BORCS5: variants seen among roughly 807,000 people sequenced by gnomAD.
BORCS5 encodes the protein BLOC-1-related complex subunit 5.
Under a neutral mutation model 22.1 loss-of-function variants are expected in BORCS5, and 17 were observed. The observed-to-expected ratio is 0.77, with a 90% CI of 0.53 to 1.15. The LOEUF is 1.15. Among genes scored for constraint, BORCS5 ranks in the 50% most tolerant of loss-of-function variants. The pLI, the probability that BORCS5 is intolerant of heterozygous loss-of-function variation, is 0.00. For synonymous variants in BORCS5, 117 were observed against 99.8 expected (o/e 1.17, Z -1.03); for missense variants, 247 against 253.2 (o/e 0.98, Z 0.17).
chr12:12,403,577 T>C lies in BORCS5; in HGVS notation c.203-32051T>C, dbSNP rs557117004. ...TTTTCCCGAGTATTATCAACTAACA[T>C]GTTCCATAAAGGAGCATGTTTTCAC... On this transcript the variant is annotated intron_variant, in intron 2 of 3. Coordinates refer to ENST00000314565, the MANE Select transcript of BORCS5 (RefSeq NM_058169.6). Among the ~76,000 whole-genome samples the C allele has an allele frequency of 2.0e-5, 3 of 152,272 alleles. No individual in the cohort carries two copies. In the East Asian group the frequency reaches 5.8e-4, roughly 29 times the overall value.
At position 12,375,887 on chromosome 12, in the gene BORCS5, C is replaced by G. The variant is rs56752618; in HGVS notation, c.202+14538C>G. Among the ~76,000 whole-genome samples, 1,381 of 152,180 alleles carry G rather than the reference C, an allele frequency of 9.1e-3. 25 individuals carry two copies. Among genetic ancestry groups the G allele is most frequent in the African/African-American group, 0.032 (1,323 of 41,504 alleles). ...TGGTGCAATCTCAGCTCGCTGCAAC[C>G]TCTGCCTCCTGGGTTCAAGTGATTC... On this transcript the variant is annotated intron_variant, in intron 2 of 3. Coordinates refer to ENST00000314565, the MANE Select transcript of BORCS5 (RefSeq NM_058169.6).
intron 2 of BORCS5, among the ~76,000 whole-genome samples, chr12:12,434,432 C>G (rs952616254): frequency 2.0e-5 from 3 of 152,148 alleles, no homozygotes; most frequent in African/African-American, 7.2e-5. Context: ...TCCCCAAGAC[C>G]CTGCTAGGGA....
Position 12,469,384 on chromosome 12 carries a change from C to T in BORCS5, c.*3608C>T, listed in dbSNP as rs1403178572. 6.6e-6 allele frequency: 1 copy of T among 152,206 alleles called. No individual in the cohort carries two copies. The highest frequency in any genetic ancestry group is 1.5e-5 in the Non-Finnish European group (1 of 68,042). 9.4% of individuals were successfully genotyped at this position (152,206 alleles called of 1,614,324 possible). On this transcript the variant is annotated 3_prime_UTR_variant, in exon 4 of 4. Transcript: ENST00000314565. ...AATGAGTTTAGTCTGGGAGAATCTG[C>T]TTTTTGAGTAAAAAAGTTTGATTTT...
intron 3 of BORCS5, among the ~76,000 whole-genome samples, chr12:12,444,144 T>G (rs1313352781): frequency 6.6e-6 from 1 of 152,240 alleles, no homozygotes; most frequent in African/African-American, 2.4e-5. Flanking sequence ...AATGAACAAC[T>G]TTATATTCTT....
chr12:12,421,980 T>G (rs1026148226), intron 2 of BORCS5, among the ~76,000 whole-genome samples: 3 of 152,192 alleles, frequency 2.0e-5, no homozygotes, highest in African/African-American at 7.2e-5. Context: ...TTATCAATTT[T>G]GTTGATCTTT....
chr12:12,385,564 C>T lies in BORCS5; in HGVS notation c.202+24215C>T, dbSNP rs1382090117. Reference sequence around the variant, plus strand: ...ACACTCTGTCACTCAGGCTAGAGTGCGGTGGCACAATCTCGGCTCACTGCA... The same window carrying T: ...ACACTCTGTCACTCAGGCTAGAGTGTGGTGGCACAATCTCGGCTCACTGCA... On this transcript the variant is annotated intron_variant, in intron 2 of 3. Coordinates refer to ENST00000314565, the MANE Select transcript of BORCS5 (RefSeq NM_058169.6). 1.3e-5 allele frequency among the ~76,000 whole-genome samples: 2 copies of T among 150,010 alleles called. 1 individual carries two copies. The highest frequency in any genetic ancestry group is 1.3e-4 in the Admixed American group (2 of 15,070).
chr12:12,397,925 T>A (rs1941389025), intron 2 of BORCS5, among the ~76,000 whole-genome samples: 1 of 152,228 alleles, frequency 6.6e-6, no homozygotes, highest in African/African-American at 2.4e-5. Flanking sequence ...ATCATATAGC[T>A]GTTTCTTGTT....
At chr12:12,370,556 A>G (rs1863504039) in intron 2 of BORCS5, among the ~76,000 whole-genome samples, 2 of 152,086 alleles carry the variant, frequency 1.3e-5, no homozygotes, top group African/African-American at 4.8e-5. Flanking sequence ...CATTCCTTCT[A>G]CATTTATTAG....
intron 2 of BORCS5, among the ~76,000 whole-genome samples, chr12:12,393,958 T>C (rs1409557519): frequency 3.3e-5 from 5 of 152,078 alleles, no homozygotes; most frequent in Non-Finnish European, 2.9e-5. Context: ...TATGTTTACT[T>C]TTTATGGTTT....
intron 2 of BORCS5, among the ~76,000 whole-genome samples, chr12:12,430,275 C>T (rs973309096): frequency 6.6e-6 from 1 of 151,384 alleles, no homozygotes; most frequent in Admixed American, 6.6e-5. Flanking sequence ...CTCAGCCTCC[C>T]GAGTAGCTGG....
intron 2 of BORCS5, among the ~76,000 whole-genome samples, chr12:12,376,115 T>TGTCCCTGTCC (rs1214042099): frequency 1.4e-4 from 21 of 152,062 alleles, no homozygotes; most frequent in Non-Finnish European, 2.2e-4. Flanking sequence ...TAATCCTGTC[T>TGTCCCTGTCC]CTAAACATTT....
chr12:12,412,375 G>A (rs1445763096), intron 2 of BORCS5, among the ~76,000 whole-genome samples: 3 of 151,804 alleles, frequency 2.0e-5, no homozygotes, highest in Non-Finnish European at 4.4e-5. Flanking sequence ...TATTCTTTTT[G>A]ATGCTATTGG....
intron 2 of BORCS5, among the ~76,000 whole-genome samples, chr12:12,414,990 T>G (rs1941892568): frequency 8.9e-6 from 1 of 112,832 alleles, no homozygotes; most frequent in Non-Finnish European, 2.0e-5. Flanking sequence ...CTAGATGGGA[T>G]GGGGGTGGGG....
chr12:12,377,162 G>C (rs960612017), intron 2 of BORCS5, among the ~76,000 whole-genome samples: 2 of 150,866 alleles, frequency 1.3e-5, no homozygotes, highest in African/African-American at 4.9e-5. Context: ...TTTCTCAAGA[G>C]TTGAGATTTT....
Position 12,415,000 on chromosome 12 carries a change from G to T in BORCS5, c.203-20628G>T, listed in dbSNP as rs1355144988. 2.4e-5 allele frequency among the ~76,000 whole-genome samples: 3 copies of T among 126,982 alleles called. 1 individual carries two copies. Among genetic ancestry groups the T allele is most frequent in the African/African-American group, 8.6e-5 (3 of 35,046 alleles). 83.3% of individuals were successfully genotyped at this position (126,982 alleles called of 152,430 possible). The stretch of plus-strand genomic sequence containing the variant: ...ACTTCCTAGATGGGATGGGGGTGGG[G>T]AAGAGGCGCTCCTCGCTTCCTAGAT... On this transcript the variant is annotated intron_variant, in intron 2 of 3. Transcript: ENST00000314565.
Position 12,419,550 on chromosome 12 carries a change from G to A in BORCS5, c.203-16078G>A, listed in dbSNP as rs900179704. On this transcript the variant is annotated intron_variant, in intron 2 of 3. Coordinates refer to ENST00000314565, the MANE Select transcript of BORCS5 (RefSeq NM_058169.6). ...AGCAGCATGATTTATAATCCTTTGG[G>A]TATATACCCAGTAATGGGATGGCTG... Among the ~76,000 whole-genome samples the A allele has an allele frequency of 2.0e-5, 3 of 152,122 alleles. No individual in the cohort carries two copies. The South Asian group carries it at 6.2e-4, about 32-fold the overall frequency.
At chr12:12,435,842 C>G in intron 3 of BORCS5, 57 bp downstream of exon 3, 2 of 1,534,260 alleles carry the variant, frequency 1.3e-6, no homozygotes, top group Non-Finnish European at 1.8e-6. Context: ...CTCTGCAACT[C>G]TGGATGCCAT....
rs776436247 is a variant in BORCS5 at position 12,465,844 on chromosome 12, G to C, written c.*68G>C. 4.3e-6 allele frequency: 6 copies of C among 1,384,810 alleles called. No individual in the cohort carries two copies. The highest frequency in any genetic ancestry group is 5.9e-6 in the Non-Finnish European group (6 of 1,009,094). The allele number at this position is 1,384,810 out of a possible 1,614,324, so 85.8% of individuals were successfully genotyped here. ...CACCCTGAGGACGTGTGGAGCTAAG[G>C]TCATATCATCTGACCAGGTCTGGAG... On this transcript the variant is annotated 3_prime_UTR_variant, in exon 4 of 4. Coordinates refer to ENST00000314565, the MANE Select transcript of BORCS5 (RefSeq NM_058169.6).
At chr12:12,398,925 G>A (rs532227372) in intron 2 of BORCS5, among the ~76,000 whole-genome samples, 22 of 152,288 alleles carry the variant, frequency 1.4e-4, no homozygotes, top group African/African-American at 4.6e-4. Context: ...TGGGAGAGAC[G>A]GTTGGGGTGC....
Sources: gnomAD v4.1 joint callset for allele counts (sites outside exome capture counted in the v4.1 genomes callset) on GRCh38, gnomAD v4.1.1 for gene constraint, MANE v1.5 for transcripts, NCBI Gene and HGNC (gene_info 2026-07-23, HGNC 2026-07-21) for gene names.